The following SLCO5A1 variants were observed in gnomAD, a reference collection of about 807,000 sequenced individuals.
SLCO5A1 encodes the protein solute carrier organic anion transporter family member 5A1.
Under a neutral mutation model 65.1 loss-of-function variants are expected in SLCO5A1, and 39 were observed. That is an observed-to-expected ratio of 0.60 (90% CI 0.46 to 0.78). The LOEUF (loss-of-function observed/expected upper bound fraction) is 0.78, where lower values mean the gene tolerates loss of function less well. Ranked by LOEUF, SLCO5A1 falls within the 30% of genes least tolerant of loss-of-function variation. The pLI is 0.00. For synonymous variants in SLCO5A1, 438 were observed against 415.7 expected (o/e 1.05, Z -0.65); for missense variants, 1,029 against 1,069.4 (o/e 0.96, Z 0.53).
At chr8:69,811,955 C>T (rs1820221532) in intron 2 of SLCO5A1, among the ~76,000 whole-genome samples, 1 of 152,190 alleles carries the variant, frequency 6.6e-6, no homozygotes, top group Admixed American at 6.5e-5. Flanking sequence ...ACAACTACTT[C>T]GAGTATGCTA....
rs750614121 is a variant in SLCO5A1 at position 69,755,418 on chromosome 8, CT to C, written c.1258+5del. 3.1e-6 allele frequency: 5 copies of C among 1,608,772 alleles called. No individual in the cohort carries two copies. The African/African-American group carries it at 5.3e-5, about 17-fold the overall frequency. On this transcript the variant is annotated splice_donor_5th_base_variant and intron_variant, in intron 4 of 9. Coordinates refer to ENST00000260126, the MANE Select transcript of SLCO5A1 (RefSeq NM_030958.3). ...TGCATGTATTTATTCAAGAGGTATA[CT>C]TTACCTCTGACATCCTTTCCAAATC... is the stretch of plus-strand genomic sequence containing the variant.
At chr8:69,674,857 C>CT (rs1483768396) in intron 9 of SLCO5A1, among the ~76,000 whole-genome samples, 1 of 83,130 alleles carries the variant, frequency 1.2e-5, no homozygotes, top group Non-Finnish European at 2.2e-5. Context: ...CCCATCTCTA[C>CT]TAAAAAAAAA....
chr8:69,752,449 G>A (rs977067474), intron 4 of SLCO5A1, among the ~76,000 whole-genome samples: 5 of 122,774 alleles, frequency 4.1e-5, no homozygotes, highest in Admixed American at 3.2e-4. Flanking sequence ...AAAAAAAAAA[G>A]TGATGTCAAT....
At chr8:69,724,323 A>G (rs971927366) in intron 5 of SLCO5A1, among the ~76,000 whole-genome samples, 2 of 152,234 alleles carry the variant, frequency 1.3e-5, no homozygotes. Flanking sequence ...TAAAATTAGC[A>G]TACACAAATT....
chr8:69,718,463 G>C (rs1390687981), intron 5 of SLCO5A1, among the ~76,000 whole-genome samples: 3 of 152,218 alleles, frequency 2.0e-5, no homozygotes, highest in East Asian at 1.9e-4. Context: ...TCCTTTCCTT[G>C]TTCTGATCTT....
Position 69,667,578 on chromosome 8 carries a change from C to A in SLCO5A1, c.*5291G>T, listed in dbSNP as rs1268155864. On this transcript the variant is annotated 3_prime_UTR_variant, in exon 10 of 10. Coordinates refer to ENST00000260126, the MANE Select transcript of SLCO5A1 (RefSeq NM_030958.3). Reference sequence around the variant, plus strand: ...CAAACTTTAAACCTCTTTTGTTCACCCCTTTGGTTTAATGTGTCCCTGCAA... The same window carrying A: ...CAAACTTTAAACCTCTTTTGTTCACACCTTTGGTTTAATGTGTCCCTGCAA... 4 of 151,934 alleles carry A rather than the reference C, an allele frequency of 2.6e-5. No homozygotes were observed. Among genetic ancestry groups the A allele is most frequent in the African/African-American group, 9.7e-5 (4 of 41,344 alleles). 9.4% of individuals were successfully genotyped at this position (151,934 alleles called of 1,614,324 possible).
At chr8:69,720,032 T>C (rs140336035) in intron 5 of SLCO5A1, among the ~76,000 whole-genome samples, 18 of 152,358 alleles carry the variant, frequency 1.2e-4, no homozygotes, top group Admixed American at 2.6e-4. Flanking sequence ...GGTTCCTGTG[T>C]GCCTACAAAA....
At chr8:69,765,153 C>T (rs1041661353) in intron 2 of SLCO5A1, among the ~76,000 whole-genome samples, 9 of 151,776 alleles carry the variant, frequency 5.9e-5, no homozygotes, top group Non-Finnish European at 1.2e-4. Flanking sequence ...TGTATGTATA[C>T]GTGTGCCTGT....
At position 69,669,068 on chromosome 8, in the gene SLCO5A1, T is replaced by C. The variant is rs1027173434; in HGVS notation, c.*3801A>G. 3.9e-5 allele frequency: 6 copies of C among 152,216 alleles called. No homozygotes were observed. Among genetic ancestry groups the C allele is most frequent in the African/African-American group, 1.4e-4 (6 of 41,444 alleles). The allele number at this position is 152,216 out of a possible 1,614,324, so 9.4% of individuals were successfully genotyped here. ...AACTACCTTTCTTCATAATGTTTCA[T>C]TTCAGAAACTCTGCCGAGACCCGAT... On this transcript the variant is annotated 3_prime_UTR_variant, in exon 10 of 10. Transcript: ENST00000260126.
chr8:69,803,942 T>C (rs1819871771), intron 2 of SLCO5A1, among the ~76,000 whole-genome samples: 1 of 152,028 alleles, frequency 6.6e-6, no homozygotes, highest in African/African-American at 2.4e-5. Context: ...ACTCTGTCTC[T>C]AAAAAATAAA....
intron 2 of SLCO5A1, among the ~76,000 whole-genome samples, chr8:69,784,803 A>C (rs576600942): frequency 9.1e-6 from 1 of 109,664 alleles, no homozygotes; most frequent in Admixed American, 1.2e-4. Flanking sequence ...AAAAGAAAGA[A>C]AGAAAGAAAA....
At chr8:69,677,590 C>T (rs1169514890) in intron 8 of SLCO5A1, among the ~76,000 whole-genome samples, 13 of 152,130 alleles carry the variant, frequency 8.5e-5, no homozygotes, top group Non-Finnish European at 5.9e-5. Context: ...CTTTATTTCT[C>T]AGAGCAATTT....
At chr8:69,767,919 A>T (rs1478469336) in intron 2 of SLCO5A1, among the ~76,000 whole-genome samples, 1 of 90,698 alleles carries the variant, frequency 1.1e-5, no homozygotes, top group African/African-American at 8.3e-5. Context: ...AAACAAAAAG[A>T]AAAAGAAAAA....
chr8:69,768,541 G>A (rs1411418123), intron 2 of SLCO5A1, among the ~76,000 whole-genome samples: 1 of 152,192 alleles, frequency 6.6e-6, no homozygotes, highest in Non-Finnish European at 1.5e-5. Flanking sequence ...AGAGGGTGGA[G>A]TCTGAGATCA....
chr8:69,728,181 A>G (rs1816172756), intron 5 of SLCO5A1, among the ~76,000 whole-genome samples: 1 of 152,176 alleles, frequency 6.6e-6, no homozygotes, highest in Non-Finnish European at 1.5e-5. Flanking sequence ...AAGGTGAAAA[A>G]CACTAATGTA....
At position 69,761,844 on chromosome 8, in the gene SLCO5A1, AG is replaced by A; in HGVS notation, c.938del (p.Pro313LeufsTer7). The stretch of plus-strand genomic sequence containing the variant: ...GTCCACCTAATAAATATCCCACTGC[AG>A]GGCCAAGTGCTCCCATGACATACAT... ...AIMYVMGALG[P>X]AVGYLLGGLL... is the part of the protein sequence containing the mutation. On this transcript the variant is annotated frameshift_variant, in exon 3 of 10. Transcript: ENST00000260126. LOFTEE classifies it high-confidence loss of function. The A allele has an allele frequency of 6.2e-7, 1 of 1,613,874 alleles. No homozygotes were observed. The highest frequency in any genetic ancestry group is 8.5e-7 in the Non-Finnish European group (1 of 1,179,970).
chr8:69,739,872 C>T (rs973854942), intron 4 of SLCO5A1, among the ~76,000 whole-genome samples: 1 of 152,024 alleles, frequency 6.6e-6, no homozygotes, highest in African/African-American at 2.4e-5. Context: ...TTAAGATTAC[C>T]TATCAACATT....
At chr8:69,811,489 G>C (rs1018906032) in intron 2 of SLCO5A1, among the ~76,000 whole-genome samples, 5 of 152,142 alleles carry the variant, frequency 3.3e-5, no homozygotes, top group African/African-American at 1.2e-4. Context: ...ATGCCTAATG[G>C]AGAGGCTCAG....
chr8:69,792,708 A>T (rs1157912689), intron 2 of SLCO5A1, among the ~76,000 whole-genome samples: 5 of 152,182 alleles, frequency 3.3e-5, no homozygotes, highest in Non-Finnish European at 7.3e-5. Context: ...AAGTTATTAG[A>T]GACCAGGAGA....
Sources: gnomAD v4.1 joint callset for allele counts (sites outside exome capture counted in the v4.1 genomes callset) on GRCh38, gnomAD v4.1.1 for gene constraint, MANE v1.5 for transcripts, NCBI Gene and HGNC (gene_info 2026-07-23, HGNC 2026-07-21) for gene names.